Variants in UBA6 observed in about 807,000 individuals in gnomAD.
UBA6 encodes ubiquitin like modifier activating enzyme 6.
In UBA6, 87 loss-of-function variants were observed where a neutral mutation model predicts 148.3. The observed-to-expected ratio is 0.59, with a 90% confidence interval of 0.49 to 0.70. The LOEUF is 0.70. UBA6 is among the 30% of genes least tolerant of loss of function. The probability of loss-of-function intolerance (pLI) is 0.00; values close to 1 mark genes in which losing one functional copy is unlikely to be tolerated. For synonymous variants in UBA6, 376 were observed against 401.0 expected (o/e 0.94, Z 0.75); for missense variants, 1,186 against 1,241.2 (o/e 0.96, Z 0.67).
Position 67,633,424 on chromosome 4 carries a change from A to G in UBA6, c.2063T>C (p.Leu688Ser). ...CCAATTTCTAGGTCTTCTGCTAAGT[A>G]ACTTTATAACTTGAAAACAGCCTTC... The part of the protein sequence containing the change: ...SLEGCFQVIK[L>S]LSRRPRNWSQ... Residue 688 changes from leucine (L) to serine (S), a missense_variant, in exon 23 of 33, where the codon TTA becomes TCA. By Grantham distance (145) the Leu-to-Ser change is moderately radical. Coordinates refer to ENST00000322244, the MANE Select transcript of UBA6 (RefSeq NM_018227.6). 6.2e-7 allele frequency: 1 copy of G among 1,610,610 alleles called. No homozygotes were observed. Among genetic ancestry groups the G allele is most frequent in the Non-Finnish European group, 8.5e-7 (1 of 1,179,156 alleles).
rs2109887239 is a variant in UBA6, at chr4:67,615,063, C to T, written c.*3934G>A. ...CAAAAACTGTTAACACCAGCACTGACCAAGATATGGAGAAATATGGTTTGG... is the reference window on the plus strand; with the variant it reads ...CAAAAACTGTTAACACCAGCACTGATCAAGATATGGAGAAATATGGTTTGG... On this transcript the variant is annotated 3_prime_UTR_variant, in exon 33 of 33. Coordinates refer to ENST00000322244, the MANE Select transcript of UBA6 (RefSeq NM_018227.6). 2 of 152,248 alleles carry T rather than the reference C, an allele frequency of 1.3e-5. No homozygotes were observed. The highest frequency in any genetic ancestry group is 3.9e-4 in the East Asian group (2 of 5,184). The allele number at this position is 152,248 out of a possible 1,614,324, so 9.4% of individuals were successfully genotyped here.
chr4:67,635,069 T>G (rs569900843), intron 20 of UBA6, among the ~76,000 whole-genome samples: 1 of 148,074 alleles, frequency 6.8e-6, no homozygotes, highest in South Asian at 2.2e-4. Context: ...ACATTTTGCC[T>G]AGGTTTATTG....
In UBA6 at chr4:67,630,504, G is replaced by C. The variant is rs763402221; in HGVS notation, c.2290C>G (p.Leu764Val). The change falls in exon 26 of 33, where the codon CTA (leucine) becomes GTA (valine). Residue 764 changes from leucine (L) to valine (V), a missense_variant. Physicochemically the swap from Leu to Val is conservative, Grantham distance 32. Transcript: ENST00000322244. Reference sequence around the variant, plus strand: ...GGAATACAATATACTGTAGCATATAGTTTTGCAGCATTCTGAAGGAAACTG... The same window carrying C: ...GGAATACAATATACTGTAGCATATACTTTTGCAGCATTCTGAAGGAAACTG... ...HLSFLQNAAK[L>V]YATVYCIPFA... is the part of the protein sequence containing the mutation. The C allele has an allele frequency of 6.3e-7, 1 of 1,588,040 alleles. No individual in the cohort carries two copies. Among genetic ancestry groups the C allele is most frequent in the South Asian group, 1.2e-5 (1 of 86,638 alleles).
rs202058885 is a variant in UBA6 at position 67,624,991 on chromosome 4, T to C, written c.2712+3A>G. The stretch of plus-strand genomic sequence containing the variant: ...ATTTTTATTCAAGGAATAATAAACT[T>C]ACCAAGCCAGAAACTGTAGCAGTGG... On this transcript the variant is annotated splice_donor_region_variant and intron_variant, in intron 29 of 32. Coordinates refer to ENST00000322244, the MANE Select transcript of UBA6 (RefSeq NM_018227.6). 80 of 1,587,626 alleles carry C rather than the reference T, an allele frequency of 5.0e-5. No homozygotes were observed. In the East Asian group the frequency reaches 1.4e-3, roughly 28 times the overall value.
At chr4:67,633,193 A>T in intron 23 of UBA6, 152 bp downstream of exon 23, 1 of 559,302 alleles carries the variant, frequency 1.8e-6, no homozygotes, top group Non-Finnish European at 2.9e-6. Flanking sequence ...AACTTCTTTT[A>T]GATTAGCATG....
At chr4:67,624,960 A>G (rs973869160) in intron 29 of UBA6, 34 bp downstream of exon 29, 1 of 1,551,134 alleles carries the variant, frequency 6.4e-7, no homozygotes, top group Middle Eastern at 1.7e-4. Flanking sequence ...GCAATGAAAA[A>G]GGAGCATTTT....
chr4:67,617,016 T>C lies in UBA6; in HGVS notation c.*1981A>G, dbSNP rs1051082002. The C allele has an allele frequency of 1.3e-5, 2 of 152,000 alleles. No homozygotes were observed. Among genetic ancestry groups the C allele is most frequent in the African/African-American group, 4.8e-5 (2 of 41,426 alleles). 9.4% of individuals were successfully genotyped at this position (152,000 alleles called of 1,614,324 possible). ...AAATCATGGCAATAACCATTAACTA[T>C]AGAAAAAAAGTAATGGAAAAATGGT... On this transcript the variant is annotated 3_prime_UTR_variant, in exon 33 of 33. Coordinates refer to ENST00000322244, the MANE Select transcript of UBA6 (RefSeq NM_018227.6).
chr4:67,634,772 T>A (rs1394148897), intron 20 of UBA6, among the ~76,000 whole-genome samples: 1 of 152,128 alleles, frequency 6.6e-6, no homozygotes, highest in African/African-American at 2.4e-5. Flanking sequence ...AAGCACCATG[T>A]AGTACTCATG....
intron 13 of UBA6, chr4:67,661,880 T>C (rs1408403997): frequency 2.6e-6 from 1 of 380,084 alleles, no homozygotes; most frequent in African/African-American, 2.1e-5. Flanking sequence ...ACAAATCAAG[T>C]AAATCATAAC....
At chr4:67,635,426 T>C (rs772162973) in intron 20 of UBA6, 27 bp downstream of exon 20, 7 of 1,320,294 alleles carry the variant, frequency 5.3e-6, no homozygotes, top group Admixed American at 1.8e-5. Flanking sequence ...AAAAAAGACA[T>C]CTATTTCAAA....
Position 67,618,299 on chromosome 4 carries a change from T to C in UBA6, c.*698A>G, listed in dbSNP as rs547106236. On this transcript the variant is annotated 3_prime_UTR_variant, in exon 33 of 33. Transcript: ENST00000322244. The stretch of plus-strand genomic sequence containing the variant: ...ACATTCACGGATTCTCTAAGAGCGT[T>C]GTGAGAGTCCATATAATACTGTTCA... The C allele has an allele frequency of 2.0e-5, 3 of 152,756 alleles. No homozygotes were observed. Among genetic ancestry groups the C allele is most frequent in the African/African-American group, 7.2e-5 (3 of 41,580 alleles). The allele number at this position is 152,756 out of a possible 1,614,324, so 9.5% of individuals were successfully genotyped here.
chr4:67,619,320 T>TA (rs1438778828), intron 32 of UBA6, among the ~76,000 whole-genome samples, 188 bp from the exon 33 acceptor site: 1 of 152,248 alleles, frequency 6.6e-6, no homozygotes, highest in Non-Finnish European at 1.5e-5. Context: ...GACACTCATT[T>TA]ACCTAACAGT....
chr4:67,636,745 C>A (rs1053089385), intron 19 of UBA6, among the ~76,000 whole-genome samples: 2 of 152,246 alleles, frequency 1.3e-5, no homozygotes, highest in Non-Finnish European at 2.9e-5. Context: ...CTAGCTACAA[C>A]CTCCACCCCC....
At chr4:67,693,361 TATA>T (rs930958993) in intron 2 of UBA6, among the ~76,000 whole-genome samples, 21 of 151,874 alleles carry the variant, frequency 1.4e-4, no homozygotes, top group South Asian at 4.1e-4. Flanking sequence ...ATATAATACA[TATA>T]ATATTAAAAA....
chr4:67,637,598 C>A (rs1055591397), intron 19 of UBA6, among the ~76,000 whole-genome samples: 1 of 120,140 alleles, frequency 8.3e-6, no homozygotes, highest in Non-Finnish European at 1.8e-5. Context: ...AAGAAAAATT[C>A]TTCTGCCTTG....
intron 16 of UBA6, 45 bp from the exon 17 acceptor site, chr4:67,644,823 C>T: frequency 2.1e-6 from 2 of 935,332 alleles, no homozygotes; most frequent in African/African-American, 1.6e-5. Context: ...AATAACCTAT[C>T]TGTGAATCAT....
At position 67,654,862 on chromosome 4, in the gene UBA6, G is replaced by GAA. The variant is rs141234627; in HGVS notation, c.1105-5653_1105-5652dup. Among the ~76,000 whole-genome samples the GAA allele has an allele frequency of 5.4e-4, 72 of 132,162 alleles. No individual in the cohort carries two copies. In the South Asian group the frequency reaches 9.1e-3, roughly 17 times the overall value. 86.7% of individuals were successfully genotyped at this position (132,162 alleles called of 152,430 possible). ...GGAAGATCTACCAAGCAAATGGAAA[G>GAA]AAAAAAAAAAAAAAAGCAAGGGTTG... On this transcript the variant is annotated intron_variant, in intron 13 of 32. Coordinates refer to ENST00000322244, the MANE Select transcript of UBA6 (RefSeq NM_018227.6).
intron 14 of UBA6, 22 bp from the exon 15 acceptor site, chr4:67,646,813 C>A: frequency 6.5e-7 from 1 of 1,529,800 alleles, no homozygotes; most frequent in South Asian, 1.2e-5. Context: ...AGATTAAAAA[C>A]ACAATTATTA....
intron 15 of UBA6, among the ~76,000 whole-genome samples, 156 bp from the exon 16 acceptor site, chr4:67,646,172 G>C (rs531333200): frequency 6.6e-6 from 1 of 152,196 alleles, no homozygotes; most frequent in South Asian, 2.1e-4. Flanking sequence ...CCTCCATAAA[G>C]AAATCCATTT....
Sources: allele counts gnomAD v4.1 joint callset (sites outside exome capture counted in the v4.1 genomes callset), GRCh38; gene constraint gnomAD v4.1.1; transcripts MANE v1.5; gene names NCBI Gene and HGNC (gene_info 2026-07-23, HGNC 2026-07-21).